Variants in CUBN observed in about 807,000 individuals in gnomAD.
The protein encoded by CUBN is cubilin.
Under a neutral mutation model 405.3 loss-of-function variants are expected in CUBN, and 282 were observed. The ratio of observed to expected loss-of-function variants is 0.70; its 90% CI spans 0.63 to 0.77. CUBN has a LOEUF of 0.77. Ranked by LOEUF, CUBN falls within the 30% of genes least tolerant of loss-of-function variation. The probability of loss-of-function intolerance (pLI) is 0.00; values close to 1 mark genes in which losing one functional copy is unlikely to be tolerated. For missense variants in CUBN, 4,514 were observed against 4,475.2 expected (o/e 1.01, Z -0.25); for synonymous variants, 1,684 against 1,617.0 (o/e 1.04, Z -0.99).
intron 17 of CUBN, among the ~76,000 whole-genome samples, chr10:17,072,515 G>A (rs1835763679): frequency 6.6e-6 from 1 of 152,074 alleles, no homozygotes; most frequent in Admixed American, 6.6e-5. Flanking sequence ...GAGAGGAATT[G>A]GAGACAGCCT....
intron 8 of CUBN, among the ~76,000 whole-genome samples, chr10:17,113,752 G>A (rs1836821048): frequency 6.6e-6 from 1 of 152,122 alleles, no homozygotes; most frequent in African/African-American, 2.4e-5. Flanking sequence ...TCTCAAATCT[G>A]GTCAGTTGGT....
intron 21 of CUBN, among the ~76,000 whole-genome samples, chr10:17,066,318 A>G (rs1456859405): frequency 2.6e-5 from 4 of 152,218 alleles, no homozygotes; most frequent in South Asian, 4.1e-4. Flanking sequence ...ACAGAATGCC[A>G]TGAGCTTTTA....
chr10:17,000,400 G>T (rs1423787182), intron 28 of CUBN, among the ~76,000 whole-genome samples: 1 of 152,088 alleles, frequency 6.6e-6, no homozygotes, highest in Admixed American at 6.5e-5. Context: ...CAGCTATTTC[G>T]AACTTGTCTT....
At chr10:17,126,702 T>C (rs1837199219) in intron 4 of CUBN, 59 bp downstream of exon 4, 1 of 1,535,708 alleles carries the variant, frequency 6.5e-7, no homozygotes, top group African/African-American at 1.4e-5. Context: ...AGCAGCTCTA[T>C]TAATGATTCT....
chr10:17,047,389 T>C (rs374870977), intron 23 of CUBN, 25 bp downstream of exon 23: 101 of 1,523,604 alleles, frequency 6.6e-5, no homozygotes, highest in Non-Finnish European at 8.8e-5. Context: ...GAAAAGATTA[T>C]AATGAAATAA....
At position 16,877,090 on chromosome 10, in the gene CUBN, G is replaced by A. The variant is rs370685424; in HGVS notation, c.8913C>T (p.Ser2971=). 66 of 1,612,922 alleles carry A rather than the reference G, an allele frequency of 4.1e-5. No homozygotes were observed. In the African/African-American group the frequency reaches 4.7e-4, roughly 11 times the overall value. Residue 2971 remains serine (S), a synonymous_variant, in exon 57 of 67, where the codon TCC becomes TCT. Coordinates refer to ENST00000377833, the MANE Select transcript of CUBN (RefSeq NM_001081.4). ...CGTTGACACAGCTTCCCGTCACAGC[G>A]GAACGAGCTGGAAAAGGCATGGAAC... ...TFVSFHLEAR[S]AVTGSCVNDG... is the part of the protein sequence containing the mutation.
Position 17,085,565 on chromosome 10 carries a change from C to A in CUBN, c.2110+32G>T, listed in dbSNP as rs140617516. ...TAAGCATAGCATTGGCCTTCAAATC[C>A]CTCTTAAGCCCCCAACTGGTAGGTT... On this transcript the variant is annotated intron_variant, in intron 16 of 66. Coordinates refer to ENST00000377833, the MANE Select transcript of CUBN (RefSeq NM_001081.4). 1.4e-5 allele frequency: 23 copies of A among 1,605,080 alleles called. No homozygotes were observed. The African/African-American group carries it at 2.5e-4, about 18-fold the overall frequency.
intron 17 of CUBN, 84 bp downstream of exon 17, chr10:17,084,187 A>C (rs1836042341): frequency 1.4e-6 from 2 of 1,401,900 alleles, no homozygotes; most frequent in Non-Finnish European, 2.0e-6. Flanking sequence ...CTGGTGGCCC[A>C]ACAATCTTTT....
chr10:16,948,880 G>A (rs1014646035), intron 34 of CUBN, among the ~76,000 whole-genome samples: 3 of 152,130 alleles, frequency 2.0e-5, no homozygotes, highest in Non-Finnish European at 2.9e-5. Flanking sequence ...AGGGACACAT[G>A]TACCTAAAGC....
At chr10:17,012,187 T>A (rs923301605) in intron 28 of CUBN, among the ~76,000 whole-genome samples, 1 of 152,086 alleles carries the variant, frequency 6.6e-6, no homozygotes, top group African/African-American at 2.4e-5. Context: ...GGAAACAAAT[T>A]TGACAAGGAG....
At chr10:17,094,044 G>A (rs1836321511) in intron 14 of CUBN, among the ~76,000 whole-genome samples, 1 of 151,922 alleles carries the variant, frequency 6.6e-6, no homozygotes, top group South Asian at 2.1e-4. Context: ...ATAAAAGAAA[G>A]CAACCTATAG....
intron 26 of CUBN, among the ~76,000 whole-genome samples, chr10:17,042,342 G>A (rs1378156293): frequency 6.6e-6 from 1 of 152,050 alleles, no homozygotes; most frequent in Non-Finnish European, 1.5e-5. Flanking sequence ...GCAACACAGG[G>A]CCCAGGAAAA....
At chr10:17,065,021 T>C (rs1011294719) in intron 22 of CUBN, among the ~76,000 whole-genome samples, 3 of 152,144 alleles carry the variant, frequency 2.0e-5, no homozygotes, top group African/African-American at 7.2e-5. Flanking sequence ...AACTTTTCAT[T>C]CTGATAGAAT....
rs548082922 is a variant in CUBN at position 16,967,624 on chromosome 10, T to C, written c.4696-13076A>G. Among the ~76,000 whole-genome samples the C allele has an allele frequency of 5.9e-5, 9 of 151,460 alleles. No homozygotes were observed. The East Asian group carries it at 1.6e-3, about 26-fold the overall frequency. Reference sequence around the variant, plus strand: ...AAAAAGATCATCCTCAAGTATCAGATGGAAACAAAAATTCCTGTGGTGGGG... The same window carrying C: ...AAAAAGATCATCCTCAAGTATCAGACGGAAACAAAAATTCCTGTGGTGGGG... On this transcript the variant is annotated intron_variant, in intron 31 of 66. Transcript: ENST00000377833.
intron 6 of CUBN, among the ~76,000 whole-genome samples, chr10:17,119,242 G>A (rs1222462802): frequency 2.0e-5 from 3 of 152,152 alleles, no homozygotes; most frequent in Non-Finnish European, 4.4e-5. Flanking sequence ...TCATGTTTCT[G>A]GAAAACCAGA....
rs1835737900 is a variant in CUBN at position 17,071,475 on chromosome 10, G to A, written c.2576C>T (p.Thr859Ile). The A allele has an allele frequency of 6.2e-7, 1 of 1,613,960 alleles. No individual in the cohort carries two copies. Among genetic ancestry groups the A allele is most frequent in the Non-Finnish European group, 8.5e-7 (1 of 1,179,938 alleles). The change falls in exon 19 of 67, where the codon ACT becomes ATT. Residue 859 changes from threonine (T) to isoleucine (I), a missense_variant. By Grantham distance (89) the Thr-to-Ile change is moderately conservative (BLOSUM62 -1). Around this residue, in one of 5 missense-constraint regions of CUBN, gnomAD observed 1,448 missense variants for 1,388.0 expected, o/e 1.04. Transcript: ENST00000377833. ...PQSQVILLNF[T>I]VFEIGSSAHC... The stretch of plus-strand genomic sequence containing the variant: ...GGCAGAACTTCCAATTTCAAAGACA[G>A]TGAAGTTGAGGAGAATGACTTGGCT...
In CUBN at chr10:16,851,389, G is replaced by A; in HGVS notation, c.9509C>T (p.Ser3170Phe). 1.2e-6 allele frequency: 2 copies of A among 1,614,122 alleles called. No homozygotes were observed. The highest frequency in any genetic ancestry group is 1.7e-6 in the Non-Finnish European group (2 of 1,180,008). The change falls in exon 60 of 67, where the codon TCT becomes TTT. Residue 3170 changes from serine to phenylalanine, a missense_variant. Around this residue, in one of 5 missense-constraint regions of CUBN, gnomAD observed 1,186 missense variants for 1,186.9 expected, o/e 1.00. Coordinates refer to ENST00000377833, the MANE Select transcript of CUBN (RefSeq NM_001081.4). ...YLTGSNNTFA[S>F]PDSDSNGMYD... ...CATTCCATTCGAATCAGAATCAGGAGAGGCAAAGGTATTATTCGAGCCTGT... is the reference window on the plus strand; with the variant it reads ...CATTCCATTCGAATCAGAATCAGGAAAGGCAAAGGTATTATTCGAGCCTGT...
chr10:17,121,537 G>A (rs1018106676), intron 6 of CUBN, among the ~76,000 whole-genome samples: 2 of 136,256 alleles, frequency 1.5e-5, no homozygotes, highest in Non-Finnish European at 3.1e-5. Context: ...CACACACCGG[G>A]GACTGTTGTG....
Position 16,840,507 on chromosome 10 carries a change from A to G in CUBN, c.9855T>C (p.Thr3285=), listed in dbSNP as rs376882010. Residue 3285 remains threonine (T), a synonymous_variant, in exon 62 of 67, where the codon ACT becomes ACC. Coordinates refer to ENST00000377833, the MANE Select transcript of CUBN (RefSeq NM_001081.4). ...DMPCGGTYNA[T]WTPQNISSPN... is the part of the protein sequence containing the mutation. ...GTGATGAAATATTTTGTGGGGTCCAAGTTGCATTGTATGTTCCACCACAAG... is the reference window on the plus strand; with the variant it reads ...GTGATGAAATATTTTGTGGGGTCCAGGTTGCATTGTATGTTCCACCACAAG... The G allele has an allele frequency of 3.7e-5, 60 of 1,609,558 alleles. No homozygotes were observed. The African/African-American group carries it at 7.2e-4, about 19-fold the overall frequency.
Sources: gnomAD v4.1 joint callset for allele counts (sites outside exome capture counted in the v4.1 genomes callset) on GRCh38, gnomAD v4.1.1 for gene constraint, gnomAD v4.1.1 regional missense constraint, MANE v1.5 for transcripts, NCBI Gene and HGNC (gene_info 2026-07-23, HGNC 2026-07-21) for gene names.